Variants in PRKN observed in about 807,000 individuals in gnomAD.
The protein encoded by PRKN is E3 ubiquitin-protein ligase parkin.
Under a neutral mutation model 59.5 loss-of-function variants are expected in PRKN, and 56 were observed. That is an observed-to-expected ratio of 0.94 (90% CI 0.76 to 1.18). The LOEUF is 1.18. PRKN is among the 50% of genes most tolerant of loss of function. PRKN has a pLI of 0.00. For missense variants in PRKN, 657 were observed against 596.4 expected, an observed-to-expected ratio of 1.10 and a Z score of -1.06; for synonymous variants, 250 against 222.1, an observed-to-expected ratio of 1.13 and a Z score of -1.12.
chr6:161,815,345 T>C (rs1791730532), intron 6 of PRKN, among the ~76,000 whole-genome samples: 1 of 152,230 alleles, frequency 6.6e-6, no homozygotes, highest in Non-Finnish European at 1.5e-5. Flanking sequence ...TATACAAAGT[T>C]CAACCATCCA....
intron 4 of PRKN, among the ~76,000 whole-genome samples, chr6:162,104,108 C>T (rs143286323): frequency 4.3e-3 from 659 of 152,282 alleles, no homozygotes; most frequent in Non-Finnish European, 7.2e-3. Flanking sequence ...TCAATCTCAG[C>T]TCTACCACTT....
At chr6:161,995,864 G>A (rs1386177552) in intron 5 of PRKN, among the ~76,000 whole-genome samples, 2 of 152,070 alleles carry the variant, frequency 1.3e-5, no homozygotes, top group Non-Finnish European at 2.9e-5. Flanking sequence ...AAAACTAAAA[G>A]CACAAGGTGG....
intron 1 of PRKN, among the ~76,000 whole-genome samples, chr6:162,589,948 C>G (rs972264927): frequency 1.3e-5 from 2 of 152,188 alleles, no homozygotes; most frequent in African/African-American, 4.8e-5. Context: ...ACTTTAAAAA[C>G]TGAACTCACT....
intron 3 of PRKN, among the ~76,000 whole-genome samples, chr6:162,250,345 T>A (rs1779382852): frequency 6.6e-6 from 1 of 152,154 alleles, no homozygotes; most frequent in South Asian, 2.1e-4. Flanking sequence ...ACATTTTTGT[T>A]TGGTAAAGAT....
chr6:162,287,097 A>G (rs1191598217), intron 2 of PRKN, among the ~76,000 whole-genome samples: 1 of 152,196 alleles, frequency 6.6e-6, no homozygotes, highest in Non-Finnish European at 1.5e-5. Flanking sequence ...TGTCCCATCT[A>G]ATGGTACAGA....
chr6:161,666,364 G>A (rs1207735044), intron 7 of PRKN, among the ~76,000 whole-genome samples: 1 of 152,200 alleles, frequency 6.6e-6, no homozygotes, highest in Admixed American at 6.5e-5. Context: ...GATGTAAGTT[G>A]TGTGCTCCTT....
At position 161,395,939 on chromosome 6, in the gene PRKN, A is replaced by G. The variant is rs529864166; in HGVS notation, c.1084-9062T>C. 6.6e-6 allele frequency among the ~76,000 whole-genome samples: 1 copy of G among 152,214 alleles called. No individual in the cohort carries two copies. The highest frequency in any genetic ancestry group is 1.5e-5 in the Non-Finnish European group (1 of 68,034). ...TTTAAACACAGACAGCCAACAAATT[A>G]GAGGTCCAGGTTAGAGAGAAAGAAA... On this transcript the variant is annotated intron_variant, in intron 9 of 11. Coordinates refer to ENST00000366898, the MANE Select transcript of PRKN (RefSeq NM_004562.3). The surrounding 1 kb of genome is among the most constrained non-coding windows in gnomAD (Gnocchi z 5.0).
At chr6:161,791,494 C>T (rs529366020) in intron 6 of PRKN, among the ~76,000 whole-genome samples, 3 of 152,226 alleles carry the variant, frequency 2.0e-5, no homozygotes, top group East Asian at 1.9e-4. Context: ...CTCCTTCACA[C>T]ACTCTCTGGC....
chr6:161,433,901 C>T lies in PRKN; in HGVS notation c.1084-47024G>A, dbSNP rs1036876229. ...GCGTGGTGGCACACGTCTGTAATCC[C>T]AGCTACTCGGGAGGCTGAGAGAGGA... On this transcript the variant is annotated intron_variant, in intron 9 of 11. Coordinates refer to ENST00000366898, the MANE Select transcript of PRKN (RefSeq NM_004562.3). Among the ~76,000 whole-genome samples, 3 of 152,080 alleles carry T rather than the reference C, an allele frequency of 2.0e-5. No homozygotes were observed. In the East Asian group the frequency reaches 5.8e-4, roughly 29 times the overall value.
chr6:162,424,672 T>C (rs536075186), intron 2 of PRKN, among the ~76,000 whole-genome samples: 1 of 150,052 alleles, frequency 6.7e-6, no homozygotes, highest in Admixed American at 6.6e-5. Context: ...GAGGTGGAGG[T>C]TGCAGTGAGC....
chr6:161,638,537 A>G (rs1291762159), intron 7 of PRKN, among the ~76,000 whole-genome samples: 1 of 152,188 alleles, frequency 6.6e-6, no homozygotes, highest in African/African-American at 2.4e-5. Context: ...GGCAGAGGTC[A>G]AATGCCAGGA....
chr6:161,495,134 CTAA>C (rs776414581), intron 9 of PRKN, among the ~76,000 whole-genome samples: 1 of 152,168 alleles, frequency 6.6e-6, no homozygotes, highest in Non-Finnish European at 1.5e-5. Flanking sequence ...ATAAAAATTA[CTAA>C]TAAGATATCT....
intron 6 of PRKN, among the ~76,000 whole-genome samples, chr6:161,942,970 G>A (rs980758850): frequency 1.3e-5 from 2 of 152,208 alleles, no homozygotes; most frequent in Admixed American, 1.3e-4. Flanking sequence ...CACATGCAGT[G>A]AAGAAAGAAA....
intron 1 of PRKN, among the ~76,000 whole-genome samples, chr6:162,665,497 A>T (rs1779066344): frequency 1.3e-5 from 2 of 152,110 alleles, no homozygotes; most frequent in Admixed American, 6.6e-5. Flanking sequence ...GACCTCTTCA[A>T]GGGGAACTAC....
intron 2 of PRKN, among the ~76,000 whole-genome samples, chr6:162,397,432 T>C (rs957244650): frequency 2.0e-5 from 3 of 152,050 alleles, no homozygotes; most frequent in African/African-American, 7.2e-5. Flanking sequence ...CTGCTTCTTG[T>C]AATTGAAAGA....
At chr6:162,554,561 A>G (rs9356043) in intron 1 of PRKN, among the ~76,000 whole-genome samples, 81,993 of 151,518 alleles carry the variant, frequency 0.54, 22,566 homozygotes, top group East Asian at 0.72. Flanking sequence ...TGGGGGTGGC[A>G]GACAGGACAG....
intron 6 of PRKN, among the ~76,000 whole-genome samples, chr6:161,797,289 T>C (rs1790890747): frequency 6.6e-6 from 1 of 152,182 alleles, no homozygotes; most frequent in East Asian, 1.9e-4. Context: ...TCTCACTCGG[T>C]CACCCAGGCT....
chr6:161,763,845 C>T (rs1037545227), intron 7 of PRKN, among the ~76,000 whole-genome samples: 5 of 152,130 alleles, frequency 3.3e-5, no homozygotes, highest in South Asian at 2.1e-4. Flanking sequence ...TTACCTTCAA[C>T]GCCTGCCTGC....
chr6:162,013,465 A>G (rs1049617814), intron 5 of PRKN, among the ~76,000 whole-genome samples: 3 of 152,124 alleles, frequency 2.0e-5, no homozygotes, highest in African/African-American at 7.2e-5. Context: ...AGTGGAGAAA[A>G]TGTTCAGAAA....
Sources: gnomAD v4.1 joint callset for allele counts (sites outside exome capture counted in the v4.1 genomes callset) on GRCh38, gnomAD v4.1.1 for gene constraint, Gnocchi (gnomAD v3.1) non-coding constraint, MANE v1.5 for transcripts, NCBI Gene and HGNC (gene_info 2026-07-23, HGNC 2026-07-21) for gene names.